Variants in TRIM44 observed in about 807,000 individuals in gnomAD.
TRIM44 encodes tripartite motif-containing protein 44.
TRIM44 carries 13 observed loss-of-function variants against 37.4 expected under a neutral mutation model. The observed-to-expected ratio is 0.35, with a 90% CI of 0.23 to 0.55. TRIM44 has a LOEUF of 0.55. TRIM44 is among the 20% of genes least tolerant of loss of function. The pLI, the probability that TRIM44 is intolerant of heterozygous loss-of-function variation, is 0.89. For synonymous variants in TRIM44, 175 were observed against 157.2 expected, an observed-to-expected ratio of 1.11 and a Z score of -0.85; for missense variants, 426 against 437.2, an observed-to-expected ratio of 0.97 and a Z score of 0.23.
intron 2 of TRIM44, among the ~76,000 whole-genome samples, chr11:35,714,233 A>G (rs1852010968): frequency 1.3e-5 from 2 of 152,128 alleles, no homozygotes; most frequent in South Asian, 4.1e-4. Context: ...ATTATCTCTA[A>G]TGAGCAGAAT....
rs200119579 is a variant in TRIM44, at chr11:35,740,119, A to AAC, written c.1007+4674_1007+4675insAC. Among the ~76,000 whole-genome samples the AAC allele has an allele frequency of 8.3e-4, 116 of 140,424 alleles. 3 individuals carry two copies. The highest frequency in any genetic ancestry group is 3.1e-3 in the African/African-American group (114 of 36,814). The allele number at this position is 140,424 out of a possible 152,430, so 92.1% of individuals were successfully genotyped here. ...TCTAAAAAAAAAAAAAAAAAAAAAAAGGTACCTTTGAAGCCCAGAGTGATT... is the reference window on the plus strand; with the variant it reads ...TCTAAAAAAAAAAAAAAAAAAAAAAAACGGTACCTTTGAAGCCCAGAGTGATT... On this transcript the variant is annotated intron_variant, in intron 4 of 4. Transcript: ENST00000299413.
intron 4 of TRIM44, among the ~76,000 whole-genome samples, chr11:35,749,716 T>C (rs1406156805): frequency 1.3e-5 from 2 of 152,206 alleles, no homozygotes; most frequent in Non-Finnish European, 2.9e-5. Flanking sequence ...AGGTTGATAA[T>C]CACTATTTAA....
In TRIM44 at chr11:35,815,740, G is replaced by A. The variant is rs1044150635; in HGVS notation, c.*9355G>A. The A allele has an allele frequency of 2.0e-5, 3 of 152,132 alleles. No individual in the cohort carries two copies. The highest frequency in any genetic ancestry group is 4.8e-5 in the African/African-American group (2 of 41,432). 9.4% of individuals were successfully genotyped at this position (152,132 alleles called of 1,614,324 possible). A position where few individuals can be genotyped will look rare whatever the true frequency, so the allele number is the denominator to read the frequency against. On this transcript the variant is annotated 3_prime_UTR_variant, in exon 5 of 5. Coordinates refer to ENST00000299413, the MANE Select transcript of TRIM44 (RefSeq NM_017583.6). ...CAAGACGTGGAAGAATTAGGTCACC[G>A]GGGCATCTGCCATTGCATATGTTTA...
chr11:35,752,836 T>C (rs1362491017), intron 4 of TRIM44, among the ~76,000 whole-genome samples: 1 of 152,246 alleles, frequency 6.6e-6, no homozygotes, highest in Non-Finnish European at 1.5e-5. Flanking sequence ...GAAATACTAC[T>C]ACTTTAGAAT....
intron 1 of TRIM44, among the ~76,000 whole-genome samples, chr11:35,683,303 A>C (rs1332539122): frequency 2.0e-5 from 3 of 152,214 alleles, no homozygotes; most frequent in Non-Finnish European, 4.4e-5. Flanking sequence ...AACCTTTGCT[A>C]ACATGGAAAT....
chr11:35,726,243 C>G (rs1442874147), intron 3 of TRIM44, 80 bp downstream of exon 3: 103 of 1,542,654 alleles, frequency 6.7e-5, no homozygotes, highest in Non-Finnish European at 8.9e-5. Flanking sequence ...CCCATGTGGT[C>G]CCTGAACGTG....
chr11:35,781,474 G>T (rs1206800141), intron 4 of TRIM44, among the ~76,000 whole-genome samples: 1 of 152,150 alleles, frequency 6.6e-6, no homozygotes, highest in Non-Finnish European at 1.5e-5. Flanking sequence ...ACATACTTTA[G>T]GCTCAGCCTG....
At chr11:35,738,969 C>T (rs1225648638) in intron 4 of TRIM44, among the ~76,000 whole-genome samples, 1 of 152,188 alleles carries the variant, frequency 6.6e-6, no homozygotes, top group Non-Finnish European at 1.5e-5. Context: ...AAACTCCTGT[C>T]CTATGGAAAC....
At chr11:35,697,412 C>T (rs1395037369) in intron 2 of TRIM44, among the ~76,000 whole-genome samples, 1 of 148,258 alleles carries the variant, frequency 6.7e-6, no homozygotes, top group Non-Finnish European at 1.5e-5. Flanking sequence ...TTTATGGCTG[C>T]ATAGTATTCC....
intron 4 of TRIM44, among the ~76,000 whole-genome samples, chr11:35,794,805 A>G (rs1853260138): frequency 6.6e-6 from 1 of 152,254 alleles, no homozygotes; most frequent in Admixed American, 6.5e-5. Context: ...CATTCACTCA[A>G]AAACATTTGT....
rs1278000189 is a variant in TRIM44, at chr11:35,662,877, G to T, written c.-235G>T. The stretch of plus-strand genomic sequence containing the variant: ...TGGCCGCGCCGGAAGTGCCTTGCGC[G>T]GCAGAGGAAGCGCAGGGACAGAGCG... On this transcript the variant is annotated 5_prime_UTR_variant, in exon 1 of 5. Transcript: ENST00000299413. The T allele has an allele frequency of 8.9e-6, 5 of 561,396 alleles. No homozygotes were observed. Among genetic ancestry groups the T allele is most frequent in the Non-Finnish European group, 1.3e-5 (5 of 388,242 alleles). The allele number at this position is 561,396 out of a possible 1,614,324, so 34.8% of individuals were successfully genotyped here. A position where few individuals can be genotyped will look rare whatever the true frequency, so the allele number is the denominator to read the frequency against.
Position 35,707,477 on chromosome 11 carries a change from A to G in TRIM44, c.748-18447A>G, listed in dbSNP as rs193061912. Among the ~76,000 whole-genome samples the G allele has an allele frequency of 3.9e-5, 6 of 152,242 alleles. No individual in the cohort carries two copies. The East Asian group carries it at 7.7e-4, about 20-fold the overall frequency. ...CCAAGTCAATTGTAAGCCAAAAGGA[A>G]AAGCTGGAGGTGTCATGCTACCTGA... On this transcript the variant is annotated intron_variant, in intron 2 of 4. Transcript: ENST00000299413.
At chr11:35,678,708 A>G (rs1321220436) in intron 1 of TRIM44, among the ~76,000 whole-genome samples, 1 of 151,724 alleles carries the variant, frequency 6.6e-6, no homozygotes, top group African/African-American at 2.4e-5. Context: ...TCCTGGGTTC[A>G]GGTGATTCTC....
At chr11:35,751,595 C>T (rs191690493) in intron 4 of TRIM44, among the ~76,000 whole-genome samples, 11 of 152,212 alleles carry the variant, frequency 7.2e-5, no homozygotes, top group East Asian at 1.9e-4. Context: ...AATGATAGTA[C>T]GTAAGAAATA....
At chr11:35,767,226 G>C (rs1056309101) in intron 4 of TRIM44, among the ~76,000 whole-genome samples, 12 of 152,128 alleles carry the variant, frequency 7.9e-5, no homozygotes, top group Non-Finnish European at 1.5e-4. Context: ...TCATTATAGT[G>C]GTATTAAATG....
At chr11:35,747,063 G>A (rs979959026) in intron 4 of TRIM44, among the ~76,000 whole-genome samples, 4 of 152,160 alleles carry the variant, frequency 2.6e-5, no homozygotes, top group Non-Finnish European at 5.9e-5. Context: ...CAAAAGCAGG[G>A]AGAGAGGCAT....
At chr11:35,700,736 T>A (rs1362137398) in intron 2 of TRIM44, among the ~76,000 whole-genome samples, 1 of 152,208 alleles carries the variant, frequency 6.6e-6, no homozygotes, top group Non-Finnish European at 1.5e-5. Context: ...TTTGCATAGC[T>A]AGGGGGCGTG....
chr11:35,720,957 G>A (rs1852099859), intron 2 of TRIM44, among the ~76,000 whole-genome samples: 1 of 150,262 alleles, frequency 6.7e-6, no homozygotes, highest in South Asian at 2.1e-4. Context: ...AGGCTGGAGT[G>A]CAGTGGCACC....
intron 2 of TRIM44, among the ~76,000 whole-genome samples, chr11:35,687,150 G>C (rs1851591586): frequency 6.6e-6 from 1 of 152,172 alleles, no homozygotes; most frequent in Non-Finnish European, 1.5e-5. Context: ...CCAAGCACTG[G>C]ATTTTATCTC....
Sources: allele counts gnomAD v4.1 joint callset (sites outside exome capture counted in the v4.1 genomes callset), GRCh38; gene constraint gnomAD v4.1.1; transcripts MANE v1.5; gene names NCBI Gene and HGNC (gene_info 2026-07-23, HGNC 2026-07-21).